The following RP1L1 variants were observed in gnomAD, a reference collection of about 807,000 sequenced individuals.
RP1L1 encodes RP1 like 1.
RP1L1 carries 27 observed loss-of-function variants against 15.7 expected under a neutral mutation model. That is an observed-to-expected ratio of 1.72 (90% CI 1.27 to 2.38). The LOEUF (loss-of-function observed/expected upper bound fraction) is 2.38. Ranked by LOEUF, RP1L1 falls within the 30% of genes most tolerant of loss-of-function variation. The pLI is 0.00. For missense variants in RP1L1, 4,798 were observed against 3,075.9 expected (o/e 1.56, Z -13.24); for synonymous variants, 1,813 against 1,276.7 (o/e 1.42, Z -8.96).
rs200131312 is a variant in RP1L1, at chr8:10,609,504, C to T, written c.4594G>A (p.Ala1532Thr). 137 of 1,609,748 alleles carry T rather than the reference C, an allele frequency of 8.5e-5. No homozygotes were observed. Among genetic ancestry groups the T allele is most frequent in the Admixed American group, 6.7e-5 (4 of 59,968 alleles). ...TCAGCCACCGCACTGGCAAGGTGGG[C>T]CAGGAAGGCCTTCTCCGTCTTCTTC... ...LLKKTEKAFL[A>T]HLASAVAELR... The change falls in exon 4 of 4, where the codon GCC (alanine) becomes ACC (threonine). Residue 1532 changes from alanine (A) to threonine (T), a missense_variant. Physicochemically the swap from Ala to Thr is moderately conservative, Grantham distance 58 (BLOSUM62 0). Coordinates refer to ENST00000382483, the MANE Select transcript of RP1L1 (RefSeq NM_178857.6).
Position 10,611,979 on chromosome 8 carries a change from T to A in RP1L1, c.2119A>T (p.Ser707Cys), listed in dbSNP as rs1035525420. ...QDGSVPRYSG[S>C]SSSTRTQASG... ...GCCTGTGTCCTGGTGCTCGATGAGC[T>A]TCCAGAATATCGTGGCACTGAGCCA... The change falls in exon 4 of 4, where the codon AGC becomes TGC. Residue 707 changes from serine (S) to cysteine (C), a missense_variant. Physicochemically the swap from Ser to Cys is moderately radical, Grantham distance 112 (BLOSUM62 -1). Transcript: ENST00000382483. The A allele has an allele frequency of 1.2e-6, 2 of 1,613,732 alleles. No homozygotes were observed. The highest frequency in any genetic ancestry group is 2.7e-5 in the African/African-American group (2 of 74,954).
Position 10,609,419 on chromosome 8 carries a change from A to T in RP1L1, c.4679T>A (p.Leu1560Gln). The T allele has an allele frequency of 6.2e-7, 1 of 1,612,320 alleles. No homozygotes were observed. The highest frequency in any genetic ancestry group is 8.5e-7 in the Non-Finnish European group (1 of 1,179,940). ...NDLLDQMAAELQQDVAQRLQD... is the reference protein window; with the variant it reads ...NDLLDQMAAEQQQDVAQRLQD... ...GAGGCGTTGGGCCACGTCCTGCTGCAGCTCGGCCGCCATCTGGTCCAGCAG... is the reference window on the plus strand; with the variant it reads ...GAGGCGTTGGGCCACGTCCTGCTGCTGCTCGGCCGCCATCTGGTCCAGCAG... The change falls in exon 4 of 4, where the codon CTG (leucine) becomes CAG (glutamine). Residue 1560 changes from leucine (L) to glutamine (Q), a missense_variant. By Grantham distance (113) the Leu-to-Gln change is moderately radical. Transcript: ENST00000382483.
At chr8:10,650,280 C>A (rs995463124) in intron 1 of RP1L1, among the ~76,000 whole-genome samples, 12 of 152,160 alleles carry the variant, frequency 7.9e-5, no homozygotes, top group African/African-American at 2.9e-4. Flanking sequence ...GGAAAACAAA[C>A]CCCACATTCT....
Position 10,622,575 on chromosome 8 carries a change from C to G in RP1L1, c.609+18G>C, listed in dbSNP as rs747625977. On this transcript the variant is annotated intron_variant, in intron 2 of 3. Coordinates refer to ENST00000382483, the MANE Select transcript of RP1L1 (RefSeq NM_178857.6). Reference sequence around the variant, plus strand: ...CTAAAGAACCTTTTCAAGGAACCGTCAGACCCCAACAGCCTACCTTTTTCC... The same window carrying G: ...CTAAAGAACCTTTTCAAGGAACCGTGAGACCCCAACAGCCTACCTTTTTCC... 84 of 1,614,094 alleles carry G rather than the reference C, an allele frequency of 5.2e-5. No individual in the cohort carries two copies. Among genetic ancestry groups the G allele is most frequent in the Non-Finnish European group, 7.0e-5 (83 of 1,180,032 alleles).
At chr8:10,645,864 A>C (rs899730820) in intron 1 of RP1L1, among the ~76,000 whole-genome samples, 7 of 147,688 alleles carry the variant, frequency 4.7e-5, no homozygotes, top group Admixed American at 4.1e-4. Flanking sequence ...ACATGGCATG[A>C]CAAGCATGGC....
Position 10,616,573 on chromosome 8 carries a change from C to T in RP1L1, c.624G>A (p.Gln208=). ...GCACAGAGGGGCTGTGCAGCAGGGC[C>T]TGCAGCGAGTCCACCTGAGGGAGGA... is the stretch of plus-strand genomic sequence containing the variant. ...TTSGKKVDSL[Q]ALLHSPSVLV... is the part of the protein sequence containing the mutation. Residue 208 remains glutamine, a synonymous_variant, in exon 3 of 4, where the codon CAG becomes CAA. Coordinates refer to ENST00000382483, the MANE Select transcript of RP1L1 (RefSeq NM_178857.6). The T allele has an allele frequency of 8.7e-6, 14 of 1,612,802 alleles. No homozygotes were observed. Among genetic ancestry groups the T allele is most frequent in the Non-Finnish European group, 1.2e-5 (14 of 1,179,846 alleles).
rs761404052 is a variant in RP1L1 at position 10,611,354 on chromosome 8, T to A, written c.2744A>T (p.Gln915Leu). The change falls in exon 4 of 4, where the codon CAG (glutamine) becomes CTG (leucine). Residue 915 changes from glutamine to leucine, a missense_variant. Gln to Leu is a moderately radical substitution (Grantham distance 113, BLOSUM62 -2). Transcript: ENST00000382483. ...GGACAGCCCCCGAGACCCCGCACCC[T>A]GGCTGGCACTGCTTCTCCTTGATGC... ...SGASRRSSASQGAGSRGLSEE... is the reference protein window; with the variant it reads ...SGASRRSSASLGAGSRGLSEE... 9 of 1,610,926 alleles carry A rather than the reference T, an allele frequency of 5.6e-6. No individual in the cohort carries two copies. In the African/African-American group the frequency reaches 1.2e-4, roughly 22 times the overall value.
intron 2 of RP1L1, 143 bp from the exon 3 acceptor site, chr8:10,616,730 T>TAAGACCCCTC: frequency 1.1e-6 from 1 of 903,990 alleles, no homozygotes; most frequent in Non-Finnish European, 1.6e-6. Context: ...CAAGGAGGGG[T>TAAGACCCCTC]CTTATCCACT....
chr8:10,648,071 G>A (rs796680641), intron 1 of RP1L1, among the ~76,000 whole-genome samples: 25 of 150,546 alleles, frequency 1.7e-4, no homozygotes, highest in African/African-American at 3.4e-4. Flanking sequence ...TCACTCCGTT[G>A]TCCAGGCTGG....
At position 10,606,630 on chromosome 8, in the gene RP1L1, C is replaced by A. The variant is rs567494148; in HGVS notation, c.*265G>T. 9 of 522,184 alleles carry A rather than the reference C, an allele frequency of 1.7e-5. No homozygotes were observed. The East Asian group carries it at 2.1e-4, about 12-fold the overall frequency. The allele number at this position is 522,184 out of a possible 1,614,324, so 32.3% of individuals were successfully genotyped here. ...GGCTCTGCAGACAAATAAATAGGAGCCGGGCTGACCTCCGATAACCGGGCA... is the reference window on the plus strand; with the variant it reads ...GGCTCTGCAGACAAATAAATAGGAGACGGGCTGACCTCCGATAACCGGGCA... On this transcript the variant is annotated 3_prime_UTR_variant, in exon 4 of 4. Coordinates refer to ENST00000382483, the MANE Select transcript of RP1L1 (RefSeq NM_178857.6).
At chr8:10,639,548 C>A (rs994969401) in intron 1 of RP1L1, among the ~76,000 whole-genome samples, 1 of 152,022 alleles carries the variant, frequency 6.6e-6, no homozygotes, top group African/African-American at 2.4e-5. Flanking sequence ...AATTTTTGAA[C>A]TTTTTGTAGA....
In RP1L1 at chr8:10,612,481, G is replaced by A. The variant is rs370508607; in HGVS notation, c.1617C>T (p.Thr539=). 55 of 1,612,450 alleles carry A rather than the reference G, an allele frequency of 3.4e-5. 1 individual carries two copies. The South Asian group carries it at 3.6e-4, about 11-fold the overall frequency. The change falls in exon 4 of 4, where the codon ACC becomes ACT. Residue 539 remains threonine, a synonymous_variant. Transcript: ENST00000382483. ...ATTCGCTGGATCCCTCATGAGAGCC[G>A]GTGCTGGCTGACGAGTCCGAAGAAG... is the stretch of plus-strand genomic sequence containing the variant. ...EGASSDSSAS[T]GSHEGSSEWG...
rs754011539 is a variant in RP1L1 at position 10,609,099 on chromosome 8, C to G, written c.4999G>C (p.Val1667Leu). 2 of 1,613,666 alleles carry G rather than the reference C, an allele frequency of 1.2e-6. No individual in the cohort carries two copies. Among genetic ancestry groups the G allele is most frequent in the South Asian group, 2.2e-5 (2 of 91,056 alleles). ...CPCEACVRKK[V>L]SPMSPKATMG... ...GTGGCCTTGGGGGACATAGGGCTCA[C>G]TTTCTTCCTCACGCAGGCCTCGCAG... The change falls in exon 4 of 4, where the codon GTG becomes CTG. Residue 1667 changes from valine (V) to leucine (L), a missense_variant. Coordinates refer to ENST00000382483, the MANE Select transcript of RP1L1 (RefSeq NM_178857.6).
rs765359961 is a variant in RP1L1 at position 10,608,577 on chromosome 8, C to T, written c.5521G>A (p.Glu1841Lys). The T allele has an allele frequency of 1.9e-6, 3 of 1,611,470 alleles. No homozygotes were observed. In the South Asian group the frequency reaches 3.3e-5, roughly 18 times the overall value. ...GAEGIEAPEAEGEAQPESEGV... is the reference protein window; with the variant it reads ...GAEGIEAPEAKGEAQPESEGV... ...TCTGACTCTGGCTGGGCCTCCCCTT[C>T]AGCCTCCGGGGCCTCTATGCCTTCG... The change falls in exon 4 of 4, where the codon GAA becomes AAA. Residue 1841 changes from glutamate (E) to lysine (K), a missense_variant. Physicochemically the swap from Glu to Lys is moderately conservative, Grantham distance 56. Transcript: ENST00000382483.
chr8:10,623,181 A>G lies in RP1L1; in HGVS notation c.21T>C (p.Asn7=). MNSTPR[N]AQAPSHRECF... ...ACTCACGGTGGCTCGGGGCCTGGGC[A>G]TTCCTGGGGGTGCTGTTCATGGTGT... The change falls in exon 2 of 4, where the codon AAT becomes AAC. Residue 7 remains asparagine, a synonymous_variant. Coordinates refer to ENST00000382483, the MANE Select transcript of RP1L1 (RefSeq NM_178857.6). 2.5e-6 allele frequency: 4 copies of G among 1,571,196 alleles called. No individual in the cohort carries two copies. Among genetic ancestry groups the G allele is most frequent in the Non-Finnish European group, 8.6e-7 (1 of 1,157,654 alleles).
intron 1 of RP1L1, among the ~76,000 whole-genome samples, chr8:10,625,229 G>A (rs966558047): frequency 2.0e-5 from 3 of 152,074 alleles, no homozygotes; most frequent in East Asian, 1.9e-4. Flanking sequence ...GCGCCAGGCC[G>A]CGCCCAGAGA....
chr8:10,611,608 C>T lies in RP1L1; in HGVS notation c.2490G>A (p.Gly830=), dbSNP rs1027844735. Residue 830 remains glycine, a synonymous_variant, in exon 4 of 4, where the codon GGG becomes GGA. Coordinates refer to ENST00000382483, the MANE Select transcript of RP1L1 (RefSeq NM_178857.6). ...GCTGGGCCTCTTGGGCCGGCTGCGT[C>T]CCAGGCTGTGAGCAGCAGTGGCTTC... ...PHRSHCCSQP[G]TQPAQEAQRG... 6.2e-7 allele frequency: 1 copy of T among 1,612,480 alleles called. No homozygotes were observed. The highest frequency in any genetic ancestry group is 1.3e-5 in the African/African-American group (1 of 74,944).
At chr8:10,644,091 A>G (rs1371982724) in intron 1 of RP1L1, among the ~76,000 whole-genome samples, 2 of 152,026 alleles carry the variant, frequency 1.3e-5, no homozygotes, top group East Asian at 3.9e-4. Context: ...CATCTGGCTC[A>G]ATTCTACCTC....
At position 10,611,263 on chromosome 8, in the gene RP1L1, G is replaced by A; in HGVS notation, c.2835C>T (p.Pro945=). The A allele has an allele frequency of 6.2e-7, 1 of 1,613,014 alleles. No homozygotes were observed. Among genetic ancestry groups the A allele is most frequent in the South Asian group, 1.1e-5 (1 of 91,090 alleles). ...QGQEEASGVS[P]SSLPRSSPEA... ...CTGGAGACGAGCGGGGCAGAGAGCT[G>A]GGTGACACACCACTGGCCTCCTCCT... Residue 945 remains proline, a synonymous_variant, in exon 4 of 4, where the codon CCC becomes CCT. Coordinates refer to ENST00000382483, the MANE Select transcript of RP1L1 (RefSeq NM_178857.6).
Sources: gnomAD v4.1 joint callset for allele counts (sites outside exome capture counted in the v4.1 genomes callset) on GRCh38, gnomAD v4.1.1 for gene constraint, MANE v1.5 for transcripts, NCBI Gene and HGNC (gene_info 2026-07-23, HGNC 2026-07-21) for gene names.